MKLN1: variants seen among roughly 807,000 people sequenced by gnomAD.
The protein encoded by MKLN1 is muskelin.
In MKLN1, 18 loss-of-function variants were observed where a neutral mutation model predicts 99.0. The ratio of observed to expected loss-of-function variants is 0.18; its 90% CI spans 0.13 to 0.27. MKLN1 has a LOEUF of 0.27. Ranked by LOEUF, MKLN1 falls within the 10% of genes least tolerant of loss-of-function variation. The pLI is 1.00. For missense variants in MKLN1, 621 were observed against 875.9 expected (o/e 0.71, Z 3.67); for synonymous variants, 288 against 293.2 (o/e 0.98, Z 0.18).
At chr7:131,166,813 A>G (rs576460534) in intron 2 of MKLN1, among the ~76,000 whole-genome samples, 7 of 152,044 alleles carry the variant, frequency 4.6e-5, no homozygotes, top group South Asian at 2.1e-4. Flanking sequence ...AGCCTCCCCA[A>G]TAGCTGGGAT....
chr7:131,173,975 T>TC (rs1796255449), intron 2 of MKLN1, among the ~76,000 whole-genome samples: 1 of 99,110 alleles, frequency 1.0e-5, no homozygotes, highest in Non-Finnish European at 2.1e-5. Flanking sequence ...TTTCTTTTTC[T>TC]TTTTTTTTTT....
At chr7:131,172,315 A>AT (rs34940160) in intron 2 of MKLN1, among the ~76,000 whole-genome samples, 103 of 140,576 alleles carry the variant, frequency 7.3e-4, no homozygotes, top group African/African-American at 1.7e-3. Context: ...TAATTTTTGT[A>AT]TTTTTTTTTT....
At chr7:131,353,701 G>A (rs1183192622) in intron 1 of MKLN1, among the ~76,000 whole-genome samples, 10 of 151,522 alleles carry the variant, frequency 6.6e-5, no homozygotes, top group Non-Finnish European at 1.2e-4. Context: ...GTCCTAGACC[G>A]TGAAGATTTT....
intron 3 of MKLN1, among the ~76,000 whole-genome samples, chr7:131,210,246 A>C (rs1212555585): frequency 1.3e-5 from 2 of 152,146 alleles, no homozygotes; most frequent in Admixed American, 6.5e-5. Flanking sequence ...AACATGAAGC[A>C]TTGGCTGGGC....
chr7:131,249,710 A>G (rs758762757), intron 3 of MKLN1, among the ~76,000 whole-genome samples: 7 of 152,228 alleles, frequency 4.6e-5, no homozygotes, highest in Admixed American at 2.6e-4. Context: ...AGGGCCCTCC[A>G]GGTAGAGTGG....
chr7:131,285,788 A>G (rs768020122), intron 3 of MKLN1, among the ~76,000 whole-genome samples: 5 of 152,200 alleles, frequency 3.3e-5, no homozygotes, highest in Admixed American at 1.3e-4. Flanking sequence ...TTAAGAGACC[A>G]GCTTGATTGT....
chr7:131,425,531 G>T (rs1482947089), intron 8 of MKLN1, among the ~76,000 whole-genome samples: 1 of 152,116 alleles, frequency 6.6e-6, no homozygotes, highest in Non-Finnish European at 1.5e-5. Context: ...ATAGGGACTG[G>T]GGACTATGTC....
At chr7:131,453,263 G>A (rs1296951397) in intron 12 of MKLN1, among the ~76,000 whole-genome samples, 2 of 152,150 alleles carry the variant, frequency 1.3e-5, no homozygotes, top group African/African-American at 4.8e-5. Context: ...GAAAGTTAAT[G>A]AAGTAGTACT....
At chr7:131,154,828 C>CT (rs1436820716) in intron 2 of MKLN1, among the ~76,000 whole-genome samples, 1 of 152,054 alleles carries the variant, frequency 6.6e-6, no homozygotes, top group Non-Finnish European at 1.5e-5. Context: ...CCTTCATACA[C>CT]TTTTTTGTAA....
rs147749924 is a variant in MKLN1, at chr7:131,212,492, C to T, written c.-179+9518C>T. Among the ~76,000 whole-genome samples, 487 of 152,362 alleles carry T rather than the reference C, an allele frequency of 3.2e-3. 4 individuals are homozygous for T. Among genetic ancestry groups the T allele is most frequent in the African/African-American group, 0.011 (461 of 41,580 alleles). On this transcript the variant is annotated intron_variant, in intron 3 of 7. Transcript: ENST00000416992. The stretch of plus-strand genomic sequence containing the variant: ...TAGAAACACTGACTCCTTCCAGCAA[C>T]TCTCTGCTCCTTAGACATATAAGAA...
At chr7:131,369,402 G>T (rs1016307218) in intron 1 of MKLN1, among the ~76,000 whole-genome samples, 1 of 151,928 alleles carries the variant, frequency 6.6e-6, no homozygotes, top group East Asian at 1.9e-4. Flanking sequence ...CAATTTGATG[G>T]GTAAAAAGGG....
chr7:131,425,594 G>C (rs940306156), intron 8 of MKLN1, among the ~76,000 whole-genome samples: 2 of 152,152 alleles, frequency 1.3e-5, no homozygotes, highest in Non-Finnish European at 2.9e-5. Context: ...TACTCAAAAA[G>C]TGTTGAATAA....
At chr7:131,179,237 C>G (rs1796344035) in intron 2 of MKLN1, among the ~76,000 whole-genome samples, 1 of 152,180 alleles carries the variant, frequency 6.6e-6, no homozygotes. Flanking sequence ...CCTTCAACAT[C>G]ACACATAGAC....
At chr7:131,211,334 T>A (rs910834517) in intron 3 of MKLN1, among the ~76,000 whole-genome samples, 1 of 152,230 alleles carries the variant, frequency 6.6e-6, no homozygotes, top group African/African-American at 2.4e-5. Context: ...GGGCTTCATC[T>A]ACAGCAAACA....
intron 1 of MKLN1, among the ~76,000 whole-genome samples, chr7:131,113,070 A>T (rs2116842275): frequency 6.6e-6 from 1 of 152,316 alleles, no homozygotes; most frequent in Admixed American, 6.5e-5. Context: ...GAAGGACATT[A>T]TAGTATCATG....
intron 3 of MKLN1, among the ~76,000 whole-genome samples, chr7:131,289,687 C>T (rs1798188976): frequency 6.6e-6 from 1 of 152,166 alleles, no homozygotes; most frequent in African/African-American, 2.4e-5. Flanking sequence ...CTTTCCTGTA[C>T]CTCAGTTTCC....
intron 2 of MKLN1, among the ~76,000 whole-genome samples, chr7:131,168,765 A>G (rs1463916789): frequency 6.6e-6 from 1 of 152,080 alleles, no homozygotes; most frequent in East Asian, 1.9e-4. Context: ...CAAAATAAGT[A>G]TTACGTTTTA....
At position 131,387,272 on chromosome 7, in the gene MKLN1, G is replaced by A. The variant is rs768952501; in HGVS notation, c.311+10G>A. 1 of 1,603,206 alleles carries A rather than the reference G, an allele frequency of 6.2e-7. No homozygotes were observed. Among genetic ancestry groups the A allele is most frequent in the South Asian group, 1.1e-5 (1 of 88,884 alleles). On this transcript the variant is annotated intron_variant, in intron 3 of 17. Transcript: ENST00000352689. The stretch of plus-strand genomic sequence containing the variant: ...CAGAGCTGTTGTCCAGGTGAGTTAT[G>A]GTTATGTTGAAGAGAGCTGTCTTCT...
chr7:131,402,926 A>C lies in MKLN1; in HGVS notation c.703+3493A>C, dbSNP rs750735876. Among the ~76,000 whole-genome samples the C allele has an allele frequency of 4.6e-5, 7 of 151,986 alleles. No homozygotes were observed. In the East Asian group the frequency reaches 9.7e-4, roughly 21 times the overall value. ...CAGCTTAATTCTTAAGGGCCCTAGG[A>C]TTTTTCAGAATAGTAAATGAGCATT... On this transcript the variant is annotated intron_variant, in intron 6 of 17. Coordinates refer to ENST00000352689, the MANE Select transcript of MKLN1 (RefSeq NM_013255.5).
Sources: allele counts gnomAD v4.1 joint callset (sites outside exome capture counted in the v4.1 genomes callset), GRCh38; gene constraint gnomAD v4.1.1; transcripts MANE v1.5; gene names NCBI Gene and HGNC (gene_info 2026-07-23, HGNC 2026-07-21).